PCDH9: variants seen among roughly 807,000 people sequenced by gnomAD.
PCDH9 encodes protocadherin-9.
A neutral mutation model predicts 70.6 loss-of-function variants in PCDH9; 24 were observed. The ratio of observed to expected loss-of-function variants is 0.34; its 90% CI spans 0.25 to 0.48. PCDH9 has a LOEUF of 0.48. Among genes scored for constraint, PCDH9 ranks in the 20% least tolerant of loss-of-function variants. The pLI is 0.99. For missense variants in PCDH9, 1,281 were observed against 1,503.6 expected (o/e 0.85, Z 2.45); for synonymous variants, 562 against 558.5 (o/e 1.01, Z -0.09).
chr13:66,448,369 T>C (rs967012518), intron 4 of PCDH9, among the ~76,000 whole-genome samples: 3 of 152,224 alleles, frequency 2.0e-5, no homozygotes, highest in African/African-American at 4.8e-5. Flanking sequence ...GTGAATGCCA[T>C]GTTTTACATT....
chr13:67,167,595 T>G (rs1448420209), intron 2 of PCDH9, among the ~76,000 whole-genome samples: 3 of 152,180 alleles, frequency 2.0e-5, no homozygotes, highest in Non-Finnish European at 2.9e-5. Flanking sequence ...GTGTTGACAT[T>G]CCCTTGTGGC....
intron 4 of PCDH9, among the ~76,000 whole-genome samples, chr13:66,505,889 C>T (rs984840786): frequency 6.6e-6 from 1 of 152,076 alleles, no homozygotes; most frequent in African/African-American, 2.4e-5. Flanking sequence ...TCAAGCAATC[C>T]TCCCTCTTCA....
chr13:66,318,564 T>A (rs931742948), intron 4 of PCDH9, among the ~76,000 whole-genome samples: 12 of 152,170 alleles, frequency 7.9e-5, no homozygotes, highest in Admixed American at 2.6e-4. Context: ...AAAATTTGCA[T>A]GCAAAATTTT....
At chr13:67,203,340 T>G (rs1384558100) in intron 2 of PCDH9, 2 of 152,118 alleles carry the variant, frequency 1.3e-5, no homozygotes. Flanking sequence ...GTTTTAATGC[T>G]GTCCTGTATA....
chr13:66,847,870 C>T (rs919936074), intron 3 of PCDH9, among the ~76,000 whole-genome samples: 3 of 152,050 alleles, frequency 2.0e-5, no homozygotes, highest in African/African-American at 7.2e-5. Context: ...GAGGCGGCAA[C>T]GTAAAAGTTA....
intron 3 of PCDH9, among the ~76,000 whole-genome samples, chr13:66,713,288 C>A (rs924235462): frequency 2.0e-5 from 3 of 151,858 alleles, no homozygotes; most frequent in African/African-American, 7.3e-5. Context: ...TTGTGTTGTG[C>A]ACAATGCTTA....
At chr13:66,394,750 G>C (rs1254424314) in intron 4 of PCDH9, among the ~76,000 whole-genome samples, 1 of 152,122 alleles carries the variant, frequency 6.6e-6, no homozygotes, top group African/African-American at 2.4e-5. Context: ...AGATAAAAAG[G>C]AGTGGGTTAG....
chr13:67,137,690 G>A (rs2087267571), intron 2 of PCDH9, among the ~76,000 whole-genome samples: 2 of 152,020 alleles, frequency 1.3e-5, no homozygotes, highest in Non-Finnish European at 2.9e-5. Context: ...GTCTGCTAAA[G>A]CTACTAATGT....
chr13:66,350,272 T>C (rs1317093484), intron 4 of PCDH9, among the ~76,000 whole-genome samples: 1 of 152,206 alleles, frequency 6.6e-6, no homozygotes, highest in Non-Finnish European at 1.5e-5. Context: ...AAAAGCAACA[T>C]AATTTTTCCA....
At chr13:67,067,228 T>C (rs983601657) in intron 2 of PCDH9, among the ~76,000 whole-genome samples, 3 of 152,176 alleles carry the variant, frequency 2.0e-5, no homozygotes, top group Admixed American at 2.0e-4. Context: ...ATTGGCAAGT[T>C]CGACACTAGA....
intron 3 of PCDH9, among the ~76,000 whole-genome samples, chr13:66,712,835 A>T (rs2078814076): frequency 6.6e-6 from 1 of 152,184 alleles, no homozygotes; most frequent in South Asian, 2.1e-4. Flanking sequence ...ATTATATTAA[A>T]TGTATGCATA....
At chr13:66,336,259 ATTTT>A (rs879606589) in intron 4 of PCDH9, among the ~76,000 whole-genome samples, 2 of 146,256 alleles carry the variant, frequency 1.4e-5, no homozygotes, top group South Asian at 2.2e-4. Context: ...GCTTTGCAGG[ATTTT>A]TTTTTTTTTA....
At chr13:66,593,616 A>G (rs2077064749) in intron 4 of PCDH9, among the ~76,000 whole-genome samples, 1 of 151,758 alleles carries the variant, frequency 6.6e-6, no homozygotes, top group South Asian at 2.1e-4. Flanking sequence ...ATGGTCATAG[A>G]GCCAGAAAAT....
At chr13:66,483,584 T>G (rs182410091) in intron 4 of PCDH9, among the ~76,000 whole-genome samples, 32 of 152,338 alleles carry the variant, frequency 2.1e-4, no homozygotes, top group African/African-American at 7.7e-4. Context: ...AAAGGAATAC[T>G]CTTGCTAAAA....
intron 4 of PCDH9, among the ~76,000 whole-genome samples, chr13:66,416,319 G>GAAA (rs58442059): frequency 4.3e-5 from 6 of 138,902 alleles, no homozygotes; most frequent in South Asian, 2.2e-4. Context: ...GAAGCTTACA[G>GAAA]AAAAAAAAAA....
At chr13:66,681,421 T>A (rs558244436) in intron 3 of PCDH9, among the ~76,000 whole-genome samples, 27 of 152,192 alleles carry the variant, frequency 1.8e-4, no homozygotes, top group African/African-American at 6.0e-4. Flanking sequence ...ATGAAGTGAA[T>A]CTCTCTCCTT....
At chr13:66,517,662 C>T (rs1959800312) in intron 4 of PCDH9, among the ~76,000 whole-genome samples, 1 of 152,056 alleles carries the variant, frequency 6.6e-6, no homozygotes, top group Non-Finnish European at 1.5e-5. Flanking sequence ...CAATCCATTG[C>T]CTATCCCTTC....
intron 2 of PCDH9, among the ~76,000 whole-genome samples, chr13:67,148,237 G>T (rs377581517): frequency 6.7e-6 from 1 of 150,262 alleles, no homozygotes; most frequent in African/African-American, 2.4e-5. Context: ...TACATTAATT[G>T]GAATTTGTAT....
At chr13:66,784,373 G>T (rs1489563937) in intron 3 of PCDH9, among the ~76,000 whole-genome samples, 3 of 152,074 alleles carry the variant, frequency 2.0e-5, no homozygotes, top group African/African-American at 7.2e-5. Flanking sequence ...AAAAAATGCA[G>T]TGTAGAGTTG....
Sources: allele counts gnomAD v4.1 joint callset (sites outside exome capture counted in the v4.1 genomes callset), GRCh38; gene constraint gnomAD v4.1.1; transcripts MANE v1.5; gene names NCBI Gene and HGNC (gene_info 2026-07-23, HGNC 2026-07-21).